The following VWF variants were observed in gnomAD, a reference collection of about 807,000 sequenced individuals.
VWF encodes the protein von Willebrand factor.
A neutral mutation model predicts 308.6 loss-of-function variants in VWF; 176 were observed. The observed-to-expected ratio is 0.57, with a 90% CI of 0.50 to 0.65. The LOEUF (loss-of-function observed/expected upper bound fraction) is 0.65. VWF is among the 30% of genes least tolerant of loss of function. VWF has a pLI of 0.00. For synonymous variants in VWF, 1,385 were observed against 1,443.4 expected (o/e 0.96, Z 0.92); for missense variants, 3,146 against 3,648.2 (o/e 0.86, Z 3.55).
chr12:5,996,377 T>C (rs933673490), intron 34 of VWF, among the ~76,000 whole-genome samples, 155 bp from the exon 35 acceptor site: 1 of 152,154 alleles, frequency 6.6e-6, no homozygotes, highest in Admixed American at 6.5e-5. Context: ...TCCTCCTTTT[T>C]TTACAGATTA....
chr12:5,968,353 T>G, intron 45 of VWF, 186 bp from the exon 46 acceptor site: 1 of 622,160 alleles, frequency 1.6e-6, no homozygotes, highest in Non-Finnish European at 2.8e-6. Flanking sequence ...GCGGCCTCCC[T>G]TCCCCATGCA....
Position 6,025,588 on chromosome 12 carries a change from T to G in VWF, c.3214A>C (p.Asn1072His). Residue 1072 changes from asparagine (N) to histidine (H), a missense_variant, in exon 24 of 52, where the codon AAC becomes CAC. Physicochemically the swap from Asn to His is moderately conservative, Grantham distance 68. Around this residue, in one of 3 missense-constraint regions of VWF, gnomAD observed 853 missense variants for 1,177.8 expected, o/e 0.72. Coordinates refer to ENST00000261405, the MANE Select transcript of VWF (RefSeq NM_000552.5). Reference sequence around the variant, plus strand: ...ACCCTCAAGGTCCTCACCAGCTTGTTGCAGTCCTGGAAGACGTCACTGGTA... The same window carrying G: ...ACCCTCAAGGTCCTCACCAGCTTGTGGCAGTCCTGGAAGACGTCACTGGTA... Reference protein sequence around the residue: ...ILTSDVFQDCNKLVDPEPYLD... With the variant: ...ILTSDVFQDCHKLVDPEPYLD... The G allele has an allele frequency of 6.8e-7, 1 of 1,477,540 alleles. No homozygotes were observed. The highest frequency in any genetic ancestry group is 1.7e-5 in the Admixed American group (1 of 59,158). The allele number at this position is 1,477,540 out of a possible 1,614,324, so 91.5% of individuals were successfully genotyped here. A position where few individuals can be genotyped will look rare whatever the true frequency, so the allele number is the denominator to read the frequency against.
At chr12:5,950,901 A>G (rs1365145945) in intron 50 of VWF, among the ~76,000 whole-genome samples, 1 of 152,150 alleles carries the variant, frequency 6.6e-6, no homozygotes, top group Non-Finnish European at 1.5e-5. Context: ...AACCATTCAA[A>G]TGGGAATCAT....
At chr12:5,985,486 G>A in intron 39 of VWF, 77 bp downstream of exon 39, 1 of 1,460,408 alleles carries the variant, frequency 6.8e-7, no homozygotes, top group Non-Finnish European at 9.4e-7. Context: ...TCTGCCAGAG[G>A]TGAAGATGGG....
chr12:5,988,175 G>C (rs1943700316), intron 38 of VWF, among the ~76,000 whole-genome samples: 2 of 152,188 alleles, frequency 1.3e-5, no homozygotes, highest in African/African-American at 4.8e-5. Flanking sequence ...CACAGACGAA[G>C]GAACACTCCC....
In VWF at chr12:5,949,056, C is replaced by T. The variant is rs2136336158; in HGVS notation, c.8401G>A (p.Ala2801Thr). ...CTGGGGGAGCATTTGCACTCCATGGCATTGAGAACCTCATGGTACACAACA... is the reference window on the plus strand; with the variant it reads ...CTGGGGGAGCATTTGCACTCCATGGTATTGAGAACCTCATGGTACACAACA... ...GSVVYHEVLN[A>T]MECKCSPRKC... is the part of the protein sequence containing the mutation. The change falls in exon 52 of 52, where the codon GCC (alanine) becomes ACC (threonine). Residue 2801 changes from alanine to threonine, a missense_variant. Physicochemically the swap from Ala to Thr is moderately conservative, Grantham distance 58. Transcript: ENST00000261405. 6.2e-7 allele frequency: 1 copy of T among 1,614,104 alleles called. No homozygotes were observed.
chr12:5,952,488 G>A lies in VWF; in HGVS notation c.8018C>T (p.Thr2673Ile), dbSNP rs1428401301. ...TCTCTCATTGACCTTGCAGAAGTGAGTATCACAGCCATCCTGGAGCGTCTC... is the reference window on the plus strand; with the variant it reads ...TCTCTCATTGACCTTGCAGAAGTGAATATCACAGCCATCCTGGAGCGTCTC... ...RDETLQDGCD[T>I]HFCKVNERGE... The change falls in exon 49 of 52, where the codon ACT (threonine) becomes ATT (isoleucine). Residue 2673 changes from threonine (T) to isoleucine (I), a missense_variant. Thr to Ile is a moderately conservative substitution (Grantham distance 89). This residue lies in a region of VWF where 989 missense variants were observed against 1,117.4 expected (regional missense o/e 0.89). Coordinates refer to ENST00000261405, the MANE Select transcript of VWF (RefSeq NM_000552.5). 6.2e-7 allele frequency: 1 copy of A among 1,613,994 alleles called. No individual in the cohort carries two copies. The highest frequency in any genetic ancestry group is 1.3e-5 in the African/African-American group (1 of 74,926).
intron 20 of VWF, among the ~76,000 whole-genome samples, chr12:6,032,423 A>C (rs1944276389): frequency 6.6e-6 from 1 of 151,632 alleles, no homozygotes; most frequent in Admixed American, 6.6e-5. Flanking sequence ...GCGGATCACG[A>C]GGTCAGGAGA....
intron 47 of VWF, among the ~76,000 whole-genome samples, chr12:5,961,105 T>TCTGTCA (rs1943309648): frequency 6.6e-6 from 1 of 152,202 alleles, no homozygotes; most frequent in South Asian, 2.1e-4. Context: ...TGCCTGATGA[T>TCTGTCA]CTGTCACTGT....
Position 6,034,808 on chromosome 12 carries a change from C to A in VWF, c.2565G>T (p.Lys855Asn). 2 of 1,614,234 alleles carry A rather than the reference C, an allele frequency of 1.2e-6. No homozygotes were observed. The highest frequency in any genetic ancestry group is 1.7e-6 in the Non-Finnish European group (2 of 1,180,032). The change falls in exon 20 of 52, where the codon AAG becomes AAT. Residue 855 changes from lysine to asparagine, a missense_variant. Lys to Asn is a moderately conservative substitution (Grantham distance 94, BLOSUM62 0). Transcript: ENST00000261405. ...GCNTCVCQDRKWNCTDHVCDA... is the reference protein window; with the variant it reads ...GCNTCVCQDRNWNCTDHVCDA... The stretch of plus-strand genomic sequence containing the variant: ...CACACACATGGTCTGTGCAGTTCCA[C>A]TTCCGGTCCTGACAGACACTAGGAG...
Position 5,952,930 on chromosome 12 carries a change from A to C in VWF, c.7987-411T>G, listed in dbSNP as rs375822651. ...ACGCCCAAGGGTAGAGAAAATCTTA[A>C]AGATCAACCACCTCCAGGCCAGGCA... On this transcript the variant is annotated intron_variant, in intron 48 of 51. Transcript: ENST00000261405. 2.6e-5 allele frequency among the ~76,000 whole-genome samples: 4 copies of C among 152,264 alleles called. No individual in the cohort carries two copies. In the South Asian group the frequency reaches 6.2e-4, roughly 24 times the overall value.
chr12:6,096,803 C>T (rs189204582), intron 5 of VWF, among the ~76,000 whole-genome samples: 42 of 152,350 alleles, frequency 2.8e-4, no homozygotes, highest in Non-Finnish European at 4.6e-4. Flanking sequence ...TATGAGACTA[C>T]TACCTTTGCA....
intron 18 of VWF, among the ~76,000 whole-genome samples, chr12:6,037,913 T>C (rs764261679): frequency 1.3e-5 from 2 of 152,126 alleles, no homozygotes; most frequent in Non-Finnish European, 2.9e-5. Context: ...TTGGGGCGGT[T>C]GGGGGGAGGG....
intron 5 of VWF, among the ~76,000 whole-genome samples, chr12:6,096,749 T>A (rs562798891): frequency 6.6e-6 from 1 of 152,326 alleles, no homozygotes; most frequent in South Asian, 2.1e-4. Flanking sequence ...TGGACCTACA[T>A]GGCCTAGTGC....
In VWF at chr12:6,052,568, T is replaced by A; in HGVS notation, c.2161A>T (p.Ile721Phe). ...YDGEIFQPED[I>F]FSDHHTMCYC... The stretch of plus-strand genomic sequence containing the variant: ...CACATGGTGTGATGGTCTGAGAAGA[T>A]GTCTTCTGGCTGGAAGATCTCACCG... Residue 721 changes from isoleucine (I) to phenylalanine (F), a missense_variant, in exon 16 of 52, where the codon ATC (isoleucine) becomes TTC (phenylalanine). Around this residue, in one of 3 missense-constraint regions of VWF, gnomAD observed 1,304 missense variants for 1,353.0 expected, o/e 0.96. Transcript: ENST00000261405. 6.2e-7 allele frequency: 1 copy of A among 1,614,274 alleles called. No homozygotes were observed. Among genetic ancestry groups the A allele is most frequent in the South Asian group, 1.1e-5 (1 of 91,090 alleles).
chr12:5,958,389 G>A (rs919148386), intron 47 of VWF, among the ~76,000 whole-genome samples: 17 of 152,146 alleles, frequency 1.1e-4, no homozygotes, highest in African/African-American at 4.1e-4. Context: ...TGATATAGGT[G>A]TATTAATACC....
In VWF at chr12:6,063,334, C is replaced by T. The variant is rs1370464639; in HGVS notation, c.1433-280G>A. ...TGCCACAGGAGGGAGGCAGAGGCTC[C>T]TGCATCCTGGGCTGTAGGCAGGTGC... On this transcript the variant is annotated intron_variant, in intron 12 of 51. Coordinates refer to ENST00000261405, the MANE Select transcript of VWF (RefSeq NM_000552.5). The surrounding 1 kb of genome is among the most constrained non-coding windows in gnomAD (Gnocchi z 4.9). 6.6e-6 allele frequency among the ~76,000 whole-genome samples: 1 copy of T among 152,162 alleles called. No individual in the cohort carries two copies.
chr12:6,043,785 T>C (rs1166711319), intron 18 of VWF, among the ~76,000 whole-genome samples: 7 of 152,220 alleles, frequency 4.6e-5, no homozygotes, highest in African/African-American at 7.2e-5. Flanking sequence ...ACATTACAGA[T>C]GAGGAAAACA....
At chr12:6,057,702 T>C (rs1323728514) in intron 14 of VWF, 147 bp downstream of exon 14, 4 of 923,438 alleles carry the variant, frequency 4.3e-6, no homozygotes, top group Non-Finnish European at 6.2e-6. Context: ...GATGATCAAG[T>C]GCTGACGGTA....
Sources: allele counts gnomAD v4.1 joint callset (sites outside exome capture counted in the v4.1 genomes callset), GRCh38; gene constraint gnomAD v4.1.1; regional missense constraint gnomAD v4.1.1; non-coding constraint Gnocchi (gnomAD v3.1); transcripts MANE v1.5; gene names NCBI Gene and HGNC (gene_info 2026-07-23, HGNC 2026-07-21).